LRP6: variants seen among roughly 807,000 people sequenced by gnomAD.
LRP6 encodes low-density lipoprotein receptor-related protein 6.
LRP6 carries 43 observed loss-of-function variants against 184.1 expected under a neutral mutation model. That is an observed-to-expected ratio of 0.23 (90% CI 0.18 to 0.30). The LOEUF is 0.30. Among genes scored for constraint, LRP6 ranks in the 10% least tolerant of loss-of-function variants. The pLI, the probability that LRP6 is intolerant of heterozygous loss-of-function variation, is 1.00. For synonymous variants in LRP6, 719 were observed against 684.9 expected, an observed-to-expected ratio of 1.05 and a Z score of -0.78; for missense variants, 1,571 against 2,005.3, an observed-to-expected ratio of 0.78 and a Z score of 4.14.
chr12:12,176,808 T>C (rs1325786364), intron 7 of LRP6, among the ~76,000 whole-genome samples: 1 of 151,776 alleles, frequency 6.6e-6, no homozygotes. Flanking sequence ...TTTCCAAATG[T>C]ACTATAAACA....
intron 2 of LRP6, among the ~76,000 whole-genome samples, chr12:12,242,557 C>CA (rs2135914085): frequency 6.6e-6 from 1 of 152,342 alleles, no homozygotes; most frequent in East Asian, 1.9e-4. Context: ...CTGAGCCTTA[C>CA]AAACTCTGTT....
intron 16 of LRP6, 26 bp downstream of exon 16, chr12:12,138,299 A>G (rs753138529): frequency 2.6e-6 from 4 of 1,556,462 alleles, no homozygotes; most frequent in South Asian, 2.2e-5. Flanking sequence ...GATTCCTCCA[A>G]TTAGCTTTAT....
At chr12:12,145,502 C>T (rs553466035) in intron 15 of LRP6, among the ~76,000 whole-genome samples, 154 of 150,150 alleles carry the variant, frequency 1.0e-3, no homozygotes, top group Non-Finnish European at 1.9e-3. Flanking sequence ...TTCTTTTCCC[C>T]TCTCCTCTCT....
Position 12,266,894 on chromosome 12 carries a change from C to A in LRP6, c.-159G>T. 1.5e-6 allele frequency: 1 copy of A among 680,500 alleles called. No homozygotes were observed. Among genetic ancestry groups the A allele is most frequent in the Admixed American group, 2.4e-5 (1 of 41,166 alleles). 42.2% of individuals were successfully genotyped at this position (680,500 alleles called of 1,614,324 possible). A position where few individuals can be genotyped will look rare whatever the true frequency, so the allele number is the denominator to read the frequency against. ...AAGGGGCACGTCAAGGTTCCGCGCG[C>A]GCCGCCGCCGCCCTCTCTACCGCGC... On this transcript the variant is annotated 5_prime_UTR_variant, in exon 1 of 23. Transcript: ENST00000261349.
At chr12:12,209,248 T>C (rs907505405) in intron 2 of LRP6, among the ~76,000 whole-genome samples, 1 of 152,248 alleles carries the variant, frequency 6.6e-6, no homozygotes, top group African/African-American at 2.4e-5. Context: ...TAACTGTAAC[T>C]AATCTAAGCA....
In LRP6 at chr12:12,121,171, A is replaced by G; in HGVS notation, c.4797T>C (p.His1599=). The change falls in exon 23 of 23, where the codon CAT becomes CAC. Residue 1599 remains histidine, a synonymous_variant. Transcript: ENST00000261349. ...GAGAGGGTGGCGGTGGGTAGAGGTG[A>G]TGAGAATAGCTCCTCTCTGTGTATG... ...PSPYTERSYS[H]HLYPPPPSPC... 6.2e-7 allele frequency: 1 copy of G among 1,613,812 alleles called. No individual in the cohort carries two copies. Among genetic ancestry groups the G allele is most frequent in the Non-Finnish European group, 8.5e-7 (1 of 1,179,942 alleles).
intron 2 of LRP6, among the ~76,000 whole-genome samples, chr12:12,240,183 A>G (rs1865027284): frequency 6.6e-6 from 1 of 152,192 alleles, no homozygotes; most frequent in African/African-American, 2.4e-5. Context: ...CTTATTTTTT[A>G]GATAATGATC....
chr12:12,222,190 T>C (rs2135872558), intron 2 of LRP6, among the ~76,000 whole-genome samples: 1 of 152,290 alleles, frequency 6.6e-6, no homozygotes, highest in South Asian at 2.1e-4. Context: ...AGAATAAAAG[T>C]AGATTTTCAA....
chr12:12,218,690 A>T (rs1249228574), intron 2 of LRP6, among the ~76,000 whole-genome samples: 1 of 151,978 alleles, frequency 6.6e-6, no homozygotes, highest in Non-Finnish European at 1.5e-5. Context: ...AGGGCCAGGC[A>T]CAGAGGCTCA....
In LRP6 at chr12:12,147,358, T is replaced by C. The variant is rs757032652; in HGVS notation, c.3397+8A>G. 7 of 1,613,896 alleles carry C rather than the reference T, an allele frequency of 4.3e-6. No homozygotes were observed. The highest frequency in any genetic ancestry group is 5.9e-6 in the Non-Finnish European group (7 of 1,179,784). On this transcript the variant is annotated splice_region_variant and intron_variant, in intron 15 of 22. Transcript: ENST00000261349. ...AAATTAAAATAAGGAAACATATTTC[T>C]TGGGTACCTGAGAGATCACTGCTTT...
intron 12 of LRP6, among the ~76,000 whole-genome samples, chr12:12,156,647 T>C (rs1862587316): frequency 6.6e-6 from 1 of 152,260 alleles, no homozygotes; most frequent in Admixed American, 6.5e-5. Context: ...AATTACTCTC[T>C]TCAGGGTTAA....
At position 12,195,205 on chromosome 12, in the gene LRP6, G is replaced by A. The variant is rs1182568449; in HGVS notation, c.647+7998C>T. 5.3e-4 allele frequency among the ~76,000 whole-genome samples: 81 copies of A among 152,086 alleles called. 1 individual carries two copies. Among genetic ancestry groups the A allele is most frequent in the Non-Finnish European group, 1.0e-4 (7 of 67,928 alleles). On this transcript the variant is annotated intron_variant, in intron 3 of 22. Coordinates refer to ENST00000261349, the MANE Select transcript of LRP6 (RefSeq NM_002336.3). Reference sequence around the variant, plus strand: ...CGATACACTGATTTCCTTTCCTTTGGGTAAATGCCAAGTAGTGGGACTACT... The same window carrying A: ...CGATACACTGATTTCCTTTCCTTTGAGTAAATGCCAAGTAGTGGGACTACT...
At chr12:12,230,940 T>C (rs1483104131) in intron 2 of LRP6, among the ~76,000 whole-genome samples, 1 of 151,974 alleles carries the variant, frequency 6.6e-6, no homozygotes, top group Non-Finnish European at 1.5e-5. Context: ...CCCAGCACTT[T>C]GGGAAGCCAA....
At chr12:12,214,082 T>C (rs1864280429) in intron 2 of LRP6, among the ~76,000 whole-genome samples, 1 of 152,152 alleles carries the variant, frequency 6.6e-6, no homozygotes, top group African/African-American at 2.4e-5. Context: ...TGGGGTCTTT[T>C]AGTCATCTAA....
intron 7 of LRP6, among the ~76,000 whole-genome samples, chr12:12,173,164 T>G (rs1056127586): frequency 6.6e-6 from 1 of 152,148 alleles, no homozygotes; most frequent in African/African-American, 2.4e-5. Context: ...GAGTTCCAGA[T>G]GAAGGCATCA....
chr12:12,194,389 G>A (rs184632071), intron 3 of LRP6, among the ~76,000 whole-genome samples: 36 of 152,164 alleles, frequency 2.4e-4, no homozygotes, highest in African/African-American at 5.8e-4. Context: ...TGATCTGGGT[G>A]AATCACCCAG....
chr12:12,206,542 CAAA>C lies in LRP6; in HGVS notation c.450-3145_450-3143del, dbSNP rs60179716. Among the ~76,000 whole-genome samples, 226 of 116,862 alleles carry C rather than the reference CAAA, an allele frequency of 1.9e-3. 1 individual carries two copies. Among genetic ancestry groups the C allele is most frequent in the East Asian group, 5.3e-3 (21 of 3,974 alleles). 76.7% of individuals were successfully genotyped at this position (116,862 alleles called of 152,430 possible). A position where few individuals can be genotyped will look rare whatever the true frequency, so the allele number is the denominator to read the frequency against. On this transcript the variant is annotated intron_variant, in intron 2 of 22. Coordinates refer to ENST00000261349, the MANE Select transcript of LRP6 (RefSeq NM_002336.3). ...TGGGCAACAGAGCGAGACTCCATCT[CAAA>C]AAAAAAAAAAAAAAAGAATTTTTCA...
intron 2 of LRP6, among the ~76,000 whole-genome samples, chr12:12,228,196 C>T (rs907075727): frequency 6.6e-6 from 1 of 152,006 alleles, no homozygotes. Flanking sequence ...CATGGTGAAA[C>T]CCCCGTTTCT....
At chr12:12,202,010 CA>C (rs1014781523) in intron 3 of LRP6, among the ~76,000 whole-genome samples, 2 of 152,124 alleles carry the variant, frequency 1.3e-5, no homozygotes, top group Admixed American at 6.5e-5. Context: ...CTACAGTCAC[CA>C]AAAACTCTCA....
Sources: gnomAD v4.1 joint callset for allele counts (sites outside exome capture counted in the v4.1 genomes callset) on GRCh38, gnomAD v4.1.1 for gene constraint, MANE v1.5 for transcripts, NCBI Gene and HGNC (gene_info 2026-07-23, HGNC 2026-07-21) for gene names.